Variants in EPHA6 observed in about 807,000 individuals in gnomAD.
EPHA6 encodes the protein ephrin type-A receptor 6.
A neutral mutation model predicts 112.0 loss-of-function variants in EPHA6; 50 were observed. That is an observed-to-expected ratio of 0.45 (90% confidence interval 0.36 to 0.56). EPHA6 has a LOEUF of 0.56. Among genes scored for constraint, EPHA6 ranks in the 20% least tolerant of loss-of-function variants. The probability of loss-of-function intolerance (pLI) is 0.00; values close to 1 mark genes in which losing one functional copy is unlikely to be tolerated. For synonymous variants in EPHA6, 529 were observed against 490.7 expected (o/e 1.08, Z -1.03); for missense variants, 1,280 against 1,417.4 (o/e 0.90, Z 1.56).
At chr3:97,705,990 A>G (rs1338471094) in intron 14 of EPHA6, among the ~76,000 whole-genome samples, 1 of 152,198 alleles carries the variant, frequency 6.6e-6, no homozygotes, top group Non-Finnish European at 1.5e-5. Flanking sequence ...CAAATGATAT[A>G]CTTAAACCTG....
intron 2 of EPHA6, among the ~76,000 whole-genome samples, chr3:96,946,636 C>T (rs935624463): frequency 2.6e-5 from 4 of 152,090 alleles, no homozygotes; most frequent in Admixed American, 6.6e-5. Flanking sequence ...AATAAACATA[C>T]GTGTGCATGT....
At chr3:97,729,798 A>G (rs1364720174) in intron 15 of EPHA6, among the ~76,000 whole-genome samples, 1 of 151,896 alleles carries the variant, frequency 6.6e-6, no homozygotes, top group Non-Finnish European at 1.5e-5. Flanking sequence ...TATTATGAAT[A>G]TAAATATCCT....
chr3:97,513,403 GA>G (rs2092397844), intron 10 of EPHA6, among the ~76,000 whole-genome samples: 1 of 152,132 alleles, frequency 6.6e-6, no homozygotes, highest in South Asian at 2.1e-4. Context: ...CAACAACCAA[GA>G]TATTGAATCA....
chr3:96,929,351 G>A (rs535305210), intron 2 of EPHA6, among the ~76,000 whole-genome samples: 5 of 152,212 alleles, frequency 3.3e-5, no homozygotes, highest in Admixed American at 3.3e-4. Flanking sequence ...ACCTCAGTGT[G>A]TTTTAATATT....
intron 5 of EPHA6, among the ~76,000 whole-genome samples, chr3:97,395,347 AC>A (rs1254234190): frequency 6.6e-6 from 1 of 151,874 alleles, no homozygotes; most frequent in South Asian, 2.1e-4. Context: ...AAAGCACAGA[AC>A]ATTTAAGAAA....
In EPHA6 at chr3:97,665,952, G is replaced by A. The variant is rs1409415474; in HGVS notation, c.2784+27870G>A. Among the ~76,000 whole-genome samples, 5 of 151,880 alleles carry A rather than the reference G, an allele frequency of 3.3e-5. No homozygotes were observed. The East Asian group carries it at 7.7e-4, about 24-fold the overall frequency. On this transcript the variant is annotated intron_variant, in intron 14 of 17. Coordinates refer to ENST00000389672, the MANE Select transcript of EPHA6 (RefSeq NM_001080448.3). ...TGTGCCTGTAATCCCAGCTACTCAG[G>A]AGGCTGAGGCAGCAGAATCACTTGA... is the stretch of plus-strand genomic sequence containing the variant.
intron 13 of EPHA6, among the ~76,000 whole-genome samples, chr3:97,625,067 A>G (rs140841809): frequency 0.012 from 1,840 of 150,840 alleles, 41 homozygotes; most frequent in African/African-American, 0.042. Context: ...TCTAATATTT[A>G]TTTCCTTATT....
intron 3 of EPHA6, among the ~76,000 whole-genome samples, chr3:97,106,558 C>T (rs1223221840): frequency 1.3e-5 from 2 of 152,126 alleles, no homozygotes; most frequent in African/African-American, 4.8e-5. Flanking sequence ...GCTACTTTTA[C>T]TCAGTAAAAC....
At chr3:97,607,714 A>G (rs1474727876) in intron 12 of EPHA6, among the ~76,000 whole-genome samples, 1 of 151,186 alleles carries the variant, frequency 6.6e-6, no homozygotes, top group Admixed American at 6.6e-5. Context: ...TGATGCAAAT[A>G]CTAAGATGAT....
intron 5 of EPHA6, among the ~76,000 whole-genome samples, chr3:97,388,052 G>A (rs901649990): frequency 2.0e-5 from 3 of 152,138 alleles, no homozygotes; most frequent in Non-Finnish European, 4.4e-5. Flanking sequence ...AATGAAGTCT[G>A]CCCCCATGAT....
chr3:97,292,890 G>A (rs565216769), intron 5 of EPHA6, among the ~76,000 whole-genome samples: 31 of 149,260 alleles, frequency 2.1e-4, no homozygotes, highest in Admixed American at 6.7e-4. Context: ...CTCAGTGAGC[G>A]TCCAGCTCTC....
intron 16 of EPHA6, among the ~76,000 whole-genome samples, chr3:97,740,245 C>T (rs1026490762): frequency 6.6e-6 from 1 of 152,126 alleles, no homozygotes; most frequent in Non-Finnish European, 1.5e-5. Flanking sequence ...CTGAGTGCAC[C>T]AGGCTGTAGT....
intron 11 of EPHA6, among the ~76,000 whole-genome samples, chr3:97,559,260 A>C (rs2093155988): frequency 6.6e-6 from 1 of 152,190 alleles, no homozygotes; most frequent in African/African-American, 2.4e-5. Flanking sequence ...TCACTCCCAT[A>C]ATTCTACTGA....
At chr3:97,055,654 A>G (rs2045828703) in intron 3 of EPHA6, among the ~76,000 whole-genome samples, 1 of 152,176 alleles carries the variant, frequency 6.6e-6, no homozygotes, top group Non-Finnish European at 1.5e-5. Flanking sequence ...CCAGGTATCT[A>G]TTTCCTTATA....
intron 14 of EPHA6, among the ~76,000 whole-genome samples, chr3:97,714,231 A>AG (rs1469960695): frequency 6.6e-6 from 1 of 152,182 alleles, no homozygotes; most frequent in Non-Finnish European, 1.5e-5. Flanking sequence ...AACAGATAAC[A>AG]TTTACTGAGT....
At chr3:97,356,285 G>A (rs559322067) in intron 5 of EPHA6, among the ~76,000 whole-genome samples, 1 of 152,144 alleles carries the variant, frequency 6.6e-6, no homozygotes, top group Non-Finnish European at 1.5e-5. Flanking sequence ...GCTCCCACTA[G>A]TTCTACATTA....
At chr3:97,272,355 T>A (rs2079914444) in intron 5 of EPHA6, among the ~76,000 whole-genome samples, 1 of 151,830 alleles carries the variant, frequency 6.6e-6, no homozygotes, top group Non-Finnish European at 1.5e-5. Flanking sequence ...CACACAGTCA[T>A]GCTTTGCTGC....
intron 7 of EPHA6, among the ~76,000 whole-genome samples, chr3:97,458,042 T>C (rs2107366836): frequency 9.1e-6 from 1 of 110,348 alleles, no homozygotes; most frequent in African/African-American, 3.5e-5. Flanking sequence ...CACTCCAGCC[T>C]GGGCGACAGT....
At chr3:97,069,810 C>A (rs1472379992) in intron 3 of EPHA6, among the ~76,000 whole-genome samples, 1 of 152,032 alleles carries the variant, frequency 6.6e-6, no homozygotes, top group African/African-American at 2.4e-5. Flanking sequence ...TACTAATAGG[C>A]TATGCTTTAT....
Sources: allele counts gnomAD v4.1 joint callset (sites outside exome capture counted in the v4.1 genomes callset), GRCh38; gene constraint gnomAD v4.1.1; transcripts MANE v1.5; gene names NCBI Gene and HGNC (gene_info 2026-07-23, HGNC 2026-07-21).